The following CEP170 variants were observed in gnomAD, a reference collection of about 807,000 sequenced individuals.
CEP170 encodes the protein centrosomal protein of 170 kDa.
In CEP170, 21 loss-of-function variants were observed where a neutral mutation model predicts 151.9. The ratio of observed to expected loss-of-function variants is 0.14; its 90% CI spans 0.10 to 0.20. The LOEUF (loss-of-function observed/expected upper bound fraction) is 0.20. Ranked by LOEUF, CEP170 falls within the 10% of genes least tolerant of loss-of-function variation. CEP170 has a pLI of 1.00. For missense variants in CEP170, 964 were observed against 1,892.9 expected, an observed-to-expected ratio of 0.51 and a Z score of 9.11; for synonymous variants, 356 against 648.8, an observed-to-expected ratio of 0.55 and a Z score of 6.86.
In CEP170 at chr1:243,129,373, T is replaced by C; in HGVS notation, c.4400A>G (p.Lys1467Arg). ...AAATTACTATACCATGCTTGAGGTT[T>C]TCACAATAGGGACTTCACTTTCGGC... ...LRAESEVPIV[K>R]TSSMEISSIL... is the part of the protein sequence containing the mutation. Residue 1467 changes from lysine to arginine, a missense_variant, in exon 18 of 20, where the codon AAA becomes AGA. Coordinates refer to ENST00000366542, the MANE Select transcript of CEP170 (RefSeq NM_014812.3). The C allele has an allele frequency of 6.3e-7, 1 of 1,592,042 alleles. No individual in the cohort carries two copies. The highest frequency in any genetic ancestry group is 8.6e-7 in the Non-Finnish European group (1 of 1,168,526).
At chr1:243,203,987 A>G (rs2061240138) in intron 4 of CEP170, among the ~76,000 whole-genome samples, 1 of 152,158 alleles carries the variant, frequency 6.6e-6, no homozygotes, top group African/African-American at 2.4e-5. Context: ...TTATCTTTCC[A>G]ACTTGTAGAA....
intron 1 of CEP170, among the ~76,000 whole-genome samples, chr1:243,253,626 T>G (rs1375976548): frequency 6.6e-6 from 1 of 152,316 alleles, no homozygotes; most frequent in East Asian, 1.9e-4. Flanking sequence ...GCTGAATTCC[T>G]AAGTCTCTGA....
intron 10 of CEP170, among the ~76,000 whole-genome samples, chr1:243,178,308 CAA>C (rs869094317): frequency 5.7e-3 from 174 of 30,390 alleles, no homozygotes; most frequent in African/African-American, 0.026. Context: ...GACTCTGCCT[CAA>C]AAAAAAAAAA....
At chr1:243,168,845 G>A (rs1431939506) in intron 12 of CEP170, among the ~76,000 whole-genome samples, 1 of 151,778 alleles carries the variant, frequency 6.6e-6, no homozygotes, top group Non-Finnish European at 1.5e-5. Flanking sequence ...AATATAAAAG[G>A]TAATAAAAGT....
Position 243,164,367 on chromosome 1 carries a change from G to A in CEP170, c.3593C>T (p.Ser1198Phe), listed in dbSNP as rs1165152637. 6.5e-7 allele frequency: 1 copy of A among 1,532,120 alleles called. No individual in the cohort carries two copies. Among genetic ancestry groups the A allele is most frequent in the African/African-American group, 1.4e-5 (1 of 72,448 alleles). 94.9% of individuals were successfully genotyped at this position (1,532,120 alleles called of 1,614,324 possible). The change falls in exon 13 of 20, where the codon TCT (serine) becomes TTT (phenylalanine). Residue 1198 changes from serine (S) to phenylalanine (F), a missense_variant. Physicochemically the swap from Ser to Phe is radical, Grantham distance 155. Transcript: ENST00000366542. The stretch of plus-strand genomic sequence containing the variant: ...GATACTGTTAGCTCTAATTCTAGGA[G>A]AAAATTTATCTGATGGTACTAGTCT... ...GARLVPSDKF[S>F]PRIRANSISR...
intron 7 of CEP170, among the ~76,000 whole-genome samples, chr1:243,197,177 C>T (rs551983762): frequency 1.9e-4 from 29 of 152,120 alleles, no homozygotes; most frequent in Middle Eastern, 3.4e-3. Flanking sequence ...TGACTCAGGA[C>T]GGCGGGCAGC....
intron 4 of CEP170, among the ~76,000 whole-genome samples, chr1:243,204,242 A>T (rs2061259897): frequency 6.6e-6 from 1 of 152,194 alleles, no homozygotes; most frequent in Non-Finnish European, 1.5e-5. Context: ...ATTTTTGCTT[A>T]CATTTAACTT....
chr1:243,233,399 C>T (rs1049793727), intron 1 of CEP170, among the ~76,000 whole-genome samples: 1 of 75,142 alleles, frequency 1.3e-5, no homozygotes, highest in East Asian at 5.0e-4. Context: ...CACACAGCTT[C>T]ACTACACAGG....
At chr1:243,243,562 TG>T (rs2149143852) in intron 1 of CEP170, among the ~76,000 whole-genome samples, 1 of 152,004 alleles carries the variant, frequency 6.6e-6, no homozygotes, top group East Asian at 1.9e-4. Flanking sequence ...CTTGCTCTGT[TG>T]CCCAGGCTGG....
chr1:243,164,614 G>C lies in CEP170; in HGVS notation c.3346C>G (p.Leu1116Val). The change falls in exon 13 of 20, where the codon CTT (leucine) becomes GTT (valine). Residue 1116 changes from leucine (L) to valine (V), a missense_variant. By Grantham distance (32) the Leu-to-Val change is conservative. Coordinates refer to ENST00000366542, the MANE Select transcript of CEP170 (RefSeq NM_014812.3). The part of the protein sequence containing the change: ...ARLGEASDSE[L>V]ADADKASVAS... ...ACAGATGCTTTGTCAGCATCAGCAAGTTCACTGTCTGAAGCTTCACCAAGT... is the reference window on the plus strand; with the variant it reads ...ACAGATGCTTTGTCAGCATCAGCAACTTCACTGTCTGAAGCTTCACCAAGT... The C allele has an allele frequency of 1.9e-6, 3 of 1,613,798 alleles. No individual in the cohort carries two copies. The highest frequency in any genetic ancestry group is 2.5e-6 in the Non-Finnish European group (3 of 1,179,740).
chr1:243,188,474 G>A (rs2060073186), intron 8 of CEP170, among the ~76,000 whole-genome samples: 1 of 152,094 alleles, frequency 6.6e-6, no homozygotes, highest in African/African-American at 2.4e-5. Flanking sequence ...CATCACAGCT[G>A]CAATTTTCTG....
At chr1:243,206,421 C>A (rs1327001876) in intron 4 of CEP170, among the ~76,000 whole-genome samples, 2 of 152,214 alleles carry the variant, frequency 1.3e-5, no homozygotes, top group Non-Finnish European at 2.9e-5. Flanking sequence ...GCGTGGGCCA[C>A]CATGCCCGGC....
chr1:243,159,005 T>C (rs2057817263), intron 13 of CEP170, among the ~76,000 whole-genome samples: 1 of 151,410 alleles, frequency 6.6e-6, no homozygotes, highest in Non-Finnish European at 1.5e-5. Flanking sequence ...AGTCGGAGGG[T>C]GCAGTGAGCT....
chr1:243,179,622 TTTAA>T (rs146945190), intron 10 of CEP170, among the ~76,000 whole-genome samples: 61 of 152,288 alleles, frequency 4.0e-4, no homozygotes, highest in African/African-American at 1.4e-3. Context: ...CATGGTTGGA[TTTAA>T]TTAATCTATA....
At chr1:243,138,872 T>C (rs1395065095) in intron 16 of CEP170, among the ~76,000 whole-genome samples, 2 of 152,186 alleles carry the variant, frequency 1.3e-5, no homozygotes, top group Admixed American at 1.3e-4. Context: ...TTTTCAACTT[T>C]AGGAGATAGT....
chr1:243,247,510 C>T (rs545900725), intron 1 of CEP170, among the ~76,000 whole-genome samples: 10 of 152,258 alleles, frequency 6.6e-5, no homozygotes, highest in East Asian at 3.9e-4. Flanking sequence ...TGCGCCACCA[C>T]GCCTGACTAA....
intron 1 of CEP170, among the ~76,000 whole-genome samples, chr1:243,241,935 T>C (rs1017891840): frequency 5.9e-5 from 9 of 151,852 alleles, no homozygotes; most frequent in Admixed American, 2.0e-4. Flanking sequence ...ATAGAAAACA[T>C]ATTAGAGCAC....
At position 243,185,657 on chromosome 1, in the gene CEP170, A is replaced by G; in HGVS notation, c.1566+122T>C. On this transcript the variant is annotated intron_variant, in intron 10 of 19. Coordinates refer to ENST00000366542, the MANE Select transcript of CEP170 (RefSeq NM_014812.3). The surrounding 1 kb of genome is among the most constrained non-coding windows in gnomAD (Gnocchi z 4.9). ...TGTTAAGTCTTGCAGTTCCCTAACA[A>G]AACCCTAAAATTCACATACCACTGA... 1 of 1,399,654 alleles carries G rather than the reference A, an allele frequency of 7.1e-7. No homozygotes were observed. Among genetic ancestry groups the G allele is most frequent in the African/African-American group, 1.4e-5 (1 of 69,642 alleles). The allele number at this position is 1,399,654 out of a possible 1,614,324, so 86.7% of individuals were successfully genotyped here. A position where few individuals can be genotyped will look rare whatever the true frequency, so the allele number is the denominator to read the frequency against.
Position 243,249,939 on chromosome 1 carries a change from G to A in CEP170, c.-42+5101C>T, listed in dbSNP as rs558243478. Among the ~76,000 whole-genome samples the A allele has an allele frequency of 2.0e-5, 3 of 152,148 alleles. No homozygotes were observed. The South Asian group carries it at 6.2e-4, about 32-fold the overall frequency. ...TTACTAAAATACAAAAAATTAGCCG[G>A]GCGTGCCTGTAGTCCCGGCTACTCG... On this transcript the variant is annotated intron_variant, in intron 1 of 19. Transcript: ENST00000366542.
Sources: allele counts gnomAD v4.1 joint callset (sites outside exome capture counted in the v4.1 genomes callset), GRCh38; gene constraint gnomAD v4.1.1; non-coding constraint Gnocchi (gnomAD v3.1); transcripts MANE v1.5; gene names NCBI Gene and HGNC (gene_info 2026-07-23, HGNC 2026-07-21).